Variants in DNAJC27 observed in about 807,000 individuals in gnomAD.
The protein encoded by DNAJC27 is dnaJ homolog subfamily C member 27.
A neutral mutation model predicts 31.4 loss-of-function variants in DNAJC27; 25 were observed. That is an observed-to-expected ratio of 0.80 (90% CI 0.58 to 1.11). The LOEUF (loss-of-function observed/expected upper bound fraction) is 1.11. DNAJC27 is among the 50% of genes most tolerant of loss of function. The probability of loss-of-function intolerance (pLI) is 0.00; values close to 1 mark genes in which losing one functional copy is unlikely to be tolerated. For synonymous variants in DNAJC27, 106 were observed against 112.7 expected (o/e 0.94, Z 0.37); for missense variants, 356 against 347.3 (o/e 1.02, Z -0.20).
chr2:24,967,139 G>A (rs749620833), intron 2 of DNAJC27, 72 bp downstream of exon 2: 1 of 1,178,068 alleles, frequency 8.5e-7, no homozygotes, highest in African/African-American at 1.5e-5. Context: ...GAGCACTGAT[G>A]CAAATATGGA....
At chr2:24,960,233 T>C (rs1435836631) in intron 3 of DNAJC27, among the ~76,000 whole-genome samples, 1 of 152,244 alleles carries the variant, frequency 6.6e-6, no homozygotes, top group African/African-American at 2.4e-5. Flanking sequence ...TGATATCTGT[T>C]ACTATTTTAA....
At chr2:24,964,567 A>G (rs1666131069) in intron 2 of DNAJC27, among the ~76,000 whole-genome samples, 1 of 152,244 alleles carries the variant, frequency 6.6e-6, no homozygotes, top group Non-Finnish European at 1.5e-5. Flanking sequence ...GATTCCAGCC[A>G]TCTCTGAGGC....
intron 1 of DNAJC27, 42 bp from the exon 2 acceptor site, chr2:24,967,335 G>T: frequency 1.6e-6 from 2 of 1,257,970 alleles, no homozygotes; most frequent in Non-Finnish European, 2.3e-6. Context: ...AATACATAGT[G>T]AGAACACATA....
intron 3 of DNAJC27, among the ~76,000 whole-genome samples, chr2:24,960,454 A>G (rs981513644): frequency 7.2e-5 from 11 of 152,360 alleles, no homozygotes; most frequent in African/African-American, 2.2e-4. Flanking sequence ...AGGAAGAGTC[A>G]TGTATCTCTC....
intron 2 of DNAJC27, among the ~76,000 whole-genome samples, chr2:24,966,483 T>G (rs1451883783): frequency 6.6e-6 from 1 of 152,092 alleles, no homozygotes; most frequent in African/African-American, 2.4e-5. Context: ...TTTTTTGTGA[T>G]GAAGTCTCAC....
At chr2:24,971,704 G>A (rs1666343699) in intron 1 of DNAJC27, 114 bp downstream of exon 1, 3 of 898,422 alleles carry the variant, frequency 3.3e-6, no homozygotes. Context: ...ACCCGGGCCT[G>A]CTCGGGGGCG....
intron 3 of DNAJC27, among the ~76,000 whole-genome samples, chr2:24,961,129 T>G (rs1012844252): frequency 1.3e-5 from 2 of 152,242 alleles, no homozygotes; most frequent in African/African-American, 4.8e-5. Context: ...CTATATGAGC[T>G]GATGCTCATT....
chr2:24,957,317 C>T, intron 4 of DNAJC27, 152 bp from the exon 5 acceptor site: 1 of 832,296 alleles, frequency 1.2e-6, no homozygotes, highest in South Asian at 2.3e-5. Flanking sequence ...ACCAAAGGGA[C>T]AGAAACAAAA....
rs537995755 is a variant in DNAJC27 at position 24,952,295 on chromosome 2, C to T, written c.529-741G>A. Among the ~76,000 whole-genome samples, 139 of 152,204 alleles carry T rather than the reference C, an allele frequency of 9.1e-4. 1 individual carries two copies. Among genetic ancestry groups the T allele is most frequent in the Middle Eastern group, 3.4e-3 (1 of 294 alleles). Reference sequence around the variant, plus strand: ...CCAGAAAAATTTACCATCAGTATGCCAGTATATACACAGATCCATACTCTT... The same window carrying T: ...CCAGAAAAATTTACCATCAGTATGCTAGTATATACACAGATCCATACTCTT... On this transcript the variant is annotated intron_variant, in intron 5 of 6. Coordinates refer to ENST00000264711, the MANE Select transcript of DNAJC27 (RefSeq NM_016544.3).
At chr2:24,960,053 T>C (rs7572472) in intron 3 of DNAJC27, among the ~76,000 whole-genome samples, 137,945 of 152,258 alleles carry the variant, frequency 0.91, 62,713 homozygotes, top group African/African-American at 0.98. Context: ...ATGTACATAT[T>C]GTGTTTTTTT....
chr2:24,947,261 T>C lies in DNAJC27; in HGVS notation c.*355A>G, dbSNP rs1665670395. The C allele has an allele frequency of 5.9e-6, 1 of 170,256 alleles. No individual in the cohort carries two copies. Among genetic ancestry groups the C allele is most frequent in the African/African-American group, 2.4e-5 (1 of 41,452 alleles). The allele number at this position is 170,256 out of a possible 1,614,324, so 10.5% of individuals were successfully genotyped here. ...GATGAATTCCGTAAAAAAGAAAAAG[T>C]GAAAGGGTCCTCTTGTCCTCTCTTC... On this transcript the variant is annotated 3_prime_UTR_variant, in exon 7 of 7. Coordinates refer to ENST00000264711, the MANE Select transcript of DNAJC27 (RefSeq NM_016544.3).
chr2:24,961,975 C>T (rs1488009910), intron 3 of DNAJC27, among the ~76,000 whole-genome samples: 4 of 152,164 alleles, frequency 2.6e-5, no homozygotes, highest in African/African-American at 9.7e-5. Flanking sequence ...GGTGAAAATG[C>T]TGTCAAATAG....
At chr2:24,956,604 AAT>A (rs947256421) in intron 5 of DNAJC27, among the ~76,000 whole-genome samples, 1 of 152,238 alleles carries the variant, frequency 6.6e-6, no homozygotes, top group African/African-American at 2.4e-5. Context: ...TATGCATATA[AAT>A]GTAATACCAT....
rs773281094 is a variant in DNAJC27, at chr2:24,963,450, G to T, written c.195C>A (p.Ile65=). ...CAGCCATATCAAAGATGTTAACTTTGATTTCTCTGTCTCTGACGTGTACCC... is the reference window on the plus strand; with the variant it reads ...CAGCCATATCAAAGATGTTAACTTTTATTTCTCTGTCTCTGACGTGTACCC... ...VTKVHVRDRE[I]KVNIFDMAGH... is the part of the protein sequence containing the mutation. Residue 65 remains isoleucine (I), a synonymous_variant, in exon 3 of 7, where the codon ATC becomes ATA. Coordinates refer to ENST00000264711, the MANE Select transcript of DNAJC27 (RefSeq NM_016544.3). 4.3e-6 allele frequency: 7 copies of T among 1,613,646 alleles called. No individual in the cohort carries two copies. The highest frequency in any genetic ancestry group is 5.9e-6 in the Non-Finnish European group (7 of 1,179,812).
chr2:24,969,476 G>A (rs1666271767), intron 1 of DNAJC27: 1 of 179,316 alleles, frequency 5.6e-6, no homozygotes, highest in Non-Finnish European at 1.2e-5. Context: ...TCATCACAGT[G>A]AAAAAAAATT....
chr2:24,966,132 A>T (rs1394568646), intron 2 of DNAJC27, among the ~76,000 whole-genome samples: 1 of 152,210 alleles, frequency 6.6e-6, no homozygotes, highest in Non-Finnish European at 1.5e-5. Flanking sequence ...ACCTTACGGG[A>T]ACAGGAGAAT....
In DNAJC27 at chr2:24,957,033, G is replaced by C; in HGVS notation, c.528+10C>G. 6.2e-7 allele frequency: 1 copy of C among 1,602,616 alleles called. No individual in the cohort carries two copies. Among genetic ancestry groups the C allele is most frequent in the South Asian group, 1.1e-5 (1 of 88,572 alleles). On this transcript the variant is annotated intron_variant, in intron 5 of 6. Transcript: ENST00000264711. ...GACACAAACCTTAAAACAACAAAAT[G>C]CTAGCTTACCTGGAACATCTCATTA...
intron 2 of DNAJC27, 82 bp downstream of exon 2, chr2:24,967,129 G>A: frequency 9.7e-7 from 1 of 1,033,558 alleles, no homozygotes; most frequent in Non-Finnish European, 1.5e-6. Context: ...ACCTACACAA[G>A]AGCACTGATG....
In DNAJC27 at chr2:24,945,398, G is replaced by T. The variant is rs1378551082; in HGVS notation, c.*2218C>A. On this transcript the variant is annotated 3_prime_UTR_variant, in exon 7 of 7. Transcript: ENST00000264711. ...GGAGCACTAATGAATTTTCTCTGCT[G>T]TAATTGCTCATCTGTGCAATACGGC... The T allele has an allele frequency of 2.0e-5, 3 of 152,186 alleles. No homozygotes were observed. Among genetic ancestry groups the T allele is most frequent in the South Asian group, 2.1e-4 (1 of 4,828 alleles). 9.4% of individuals were successfully genotyped at this position (152,186 alleles called of 1,614,324 possible). A position where few individuals can be genotyped will look rare whatever the true frequency, so the allele number is the denominator to read the frequency against.
Sources: gnomAD v4.1 joint callset for allele counts (sites outside exome capture counted in the v4.1 genomes callset) on GRCh38, gnomAD v4.1.1 for gene constraint, MANE v1.5 for transcripts, NCBI Gene and HGNC (gene_info 2026-07-23, HGNC 2026-07-21) for gene names.